The following KIF24 variants were observed in gnomAD, a reference collection of about 807,000 sequenced individuals.
KIF24 encodes the protein kinesin-like protein KIF24.
Under a neutral mutation model 118.9 loss-of-function variants are expected in KIF24, and 81 were observed. That is an observed-to-expected ratio of 0.68 (90% CI 0.57 to 0.82). The LOEUF is 0.82. Among genes scored for constraint, KIF24 ranks in the 40% least tolerant of loss-of-function variants. The pLI is 0.00. For synonymous variants in KIF24, 599 were observed against 610.0 expected (o/e 0.98, Z 0.27); for missense variants, 1,560 against 1,661.6 (o/e 0.94, Z 1.06).
At chr9:34,263,445 G>A (rs949452023) in intron 8 of KIF24, among the ~76,000 whole-genome samples, 15 of 152,158 alleles carry the variant, frequency 9.9e-5, no homozygotes, top group African/African-American at 3.6e-4. Flanking sequence ...ACAGACAGAC[G>A]CTGGGACCTA....
At chr9:34,275,093 T>C (rs1835609845) in intron 6 of KIF24, among the ~76,000 whole-genome samples, 1 of 152,144 alleles carries the variant, frequency 6.6e-6, no homozygotes, top group South Asian at 2.1e-4. Flanking sequence ...AGGGTGACTA[T>C]AGTCAACAAT....
chr9:34,311,661 C>CGTGTATATGTAT (rs1426860953), intron 1 of KIF24, among the ~76,000 whole-genome samples: 2 of 144,004 alleles, frequency 1.4e-5, no homozygotes, highest in Non-Finnish European at 3.1e-5. Flanking sequence ...CGTGTATATA[C>CGTGTATATGTAT]ATATATACGT....
At chr9:34,308,529 C>A (rs1273915789) in intron 2 of KIF24, among the ~76,000 whole-genome samples, 1 of 152,186 alleles carries the variant, frequency 6.6e-6, no homozygotes, top group African/African-American at 2.4e-5. Context: ...GGTGATCCAC[C>A]CGCCTTGGCC....
At chr9:34,278,136 C>T (rs1231820432) in intron 6 of KIF24, among the ~76,000 whole-genome samples, 1 of 151,868 alleles carries the variant, frequency 6.6e-6, no homozygotes, top group African/African-American at 2.4e-5. Flanking sequence ...TGGCCGGGCA[C>T]GGTGGCTCAC....
chr9:34,289,054 C>T (rs2131747525), intron 5 of KIF24, among the ~76,000 whole-genome samples: 1 of 152,256 alleles, frequency 6.6e-6, no homozygotes, highest in South Asian at 2.1e-4. Flanking sequence ...GGCAACTCTT[C>T]CTCAAGCATC....
rs527751493 is a variant in KIF24 at position 34,310,451 on chromosome 9, T to C, written c.623+273A>G. ...TATCATGTTACGCTATAATAAACAA[T>C]AGAAACAGATCTGCTACAGATCCTG... On this transcript the variant is annotated intron_variant, in intron 2 of 12. Transcript: ENST00000402558. 4.6e-5 allele frequency among the ~76,000 whole-genome samples: 7 copies of C among 152,274 alleles called. No individual in the cohort carries two copies. In the South Asian group the frequency reaches 6.2e-4, roughly 14 times the overall value.
chr9:34,283,052 CAAAAAAAA>C (rs33926979), intron 6 of KIF24, among the ~76,000 whole-genome samples: 109 of 69,068 alleles, frequency 1.6e-3, no homozygotes, highest in African/African-American at 5.5e-3. Flanking sequence ...AACTCCGTCT[CAAAAAAAA>C]AAAAAAAAAA....
intron 3 of KIF24, among the ~76,000 whole-genome samples, chr9:34,302,432 T>C (rs1394370526): frequency 6.6e-6 from 1 of 150,708 alleles, no homozygotes; most frequent in Non-Finnish European, 1.5e-5. Flanking sequence ...GCCTCCCGAG[T>C]AGCTGAAACT....
chr9:34,302,735 G>A (rs1272859332), intron 3 of KIF24, among the ~76,000 whole-genome samples: 1 of 151,580 alleles, frequency 6.6e-6, no homozygotes, highest in African/African-American at 2.4e-5. Flanking sequence ...CCAAAGTGCT[G>A]GGATTACAGG....
At position 34,308,216 on chromosome 9, in the gene KIF24, C is replaced by T. The variant is rs538754576; in HGVS notation, c.624-1775G>A. 1.8e-4 allele frequency among the ~76,000 whole-genome samples: 28 copies of T among 152,270 alleles called. No individual in the cohort carries two copies. In the East Asian group the frequency reaches 4.4e-3, roughly 24 times the overall value. On this transcript the variant is annotated intron_variant, in intron 2 of 12. Transcript: ENST00000402558. ...CTCCTGGGCTCAAGCAATCTGCCTGCCTTGGCCTCCCAAAATGCCAGGATT... is the reference window on the plus strand; with the variant it reads ...CTCCTGGGCTCAAGCAATCTGCCTGTCTTGGCCTCCCAAAATGCCAGGATT...
At chr9:34,328,837 A>G (rs1837769205) in intron 1 of KIF24, among the ~76,000 whole-genome samples, 1 of 152,246 alleles carries the variant, frequency 6.6e-6, no homozygotes, top group Admixed American at 6.5e-5. Flanking sequence ...TTCAAAAGCA[A>G]GAAGGCTTTG....
intron 4 of KIF24, among the ~76,000 whole-genome samples, chr9:34,295,560 C>T (rs959196715): frequency 1.8e-4 from 28 of 152,150 alleles, no homozygotes; most frequent in African/African-American, 6.3e-4. Context: ...CACCTGCAGT[C>T]CCAGCTACTC....
rs1433482157 is a variant in KIF24 at position 34,310,846 on chromosome 9, G to A, written c.501C>T (p.Ile167=). The A allele has an allele frequency of 6.2e-7, 1 of 1,614,010 alleles. No individual in the cohort carries two copies. The highest frequency in any genetic ancestry group is 8.5e-7 in the Non-Finnish European group (1 of 1,179,866). ...TAGDSYVQTE[I]STSLFSPNYL... ...AATTTGGTGAAAAGAGTGAAGTGCT[G>A]ATTTCTGTTTGCACATAGGAATCAC... Residue 167 remains isoleucine, a synonymous_variant, in exon 2 of 13, where the codon ATC becomes ATT. Transcript: ENST00000402558.
intron 1 of KIF24, chr9:34,319,604 C>A: frequency 2.2e-6 from 2 of 921,960 alleles, no homozygotes; most frequent in South Asian, 1.3e-5. Flanking sequence ...CCCTGCTGTT[C>A]ACTGGGCACC....
chr9:34,327,935 T>C (rs1389104177), intron 1 of KIF24, among the ~76,000 whole-genome samples: 4 of 151,990 alleles, frequency 2.6e-5, no homozygotes, highest in East Asian at 1.9e-4. Context: ...CAAACCCACA[T>C]GTAGTGGGTT....
intron 3 of KIF24, among the ~76,000 whole-genome samples, chr9:34,304,198 T>C (rs1836830655): frequency 6.6e-6 from 1 of 152,230 alleles, no homozygotes; most frequent in South Asian, 2.1e-4. Flanking sequence ...AATATTTATT[T>C]AGCACTCAGT....
At chr9:34,285,231 C>CA (rs1398479094) in intron 6 of KIF24, among the ~76,000 whole-genome samples, 1 of 152,050 alleles carries the variant, frequency 6.6e-6, no homozygotes, top group Admixed American at 6.5e-5. Context: ...GAAGGACACA[C>CA]AAAAAACTAA....
chr9:34,310,218 G>C (rs1423227539), intron 2 of KIF24, among the ~76,000 whole-genome samples: 1 of 152,048 alleles, frequency 6.6e-6, no homozygotes, highest in Non-Finnish European at 1.5e-5. Context: ...CTCAAAATTA[G>C]GATCATATTT....
chr9:34,328,512 T>G (rs1328206440), intron 1 of KIF24, among the ~76,000 whole-genome samples: 1 of 152,206 alleles, frequency 6.6e-6, no homozygotes, highest in Non-Finnish European at 1.5e-5. Flanking sequence ...GTGGACTGTG[T>G]GTGGACTTTT....
Sources: allele counts gnomAD v4.1 joint callset (sites outside exome capture counted in the v4.1 genomes callset), GRCh38; gene constraint gnomAD v4.1.1; transcripts MANE v1.5; gene names NCBI Gene and HGNC (gene_info 2026-07-23, HGNC 2026-07-21).